SMYD5: variants seen among roughly 807,000 people sequenced by gnomAD.
SMYD5 encodes the protein SMYD family member 5.
A neutral mutation model predicts 57.4 loss-of-function variants in SMYD5; 35 were observed. The observed-to-expected ratio is 0.61, with a 90% CI of 0.47 to 0.81. The LOEUF is 0.81. SMYD5 is among the 30% of genes least tolerant of loss of function. The pLI, the probability that SMYD5 is intolerant of heterozygous loss-of-function variation, is 0.00. For synonymous variants in SMYD5, 198 were observed against 189.7 expected, an observed-to-expected ratio of 1.04 and a Z score of -0.36; for missense variants, 471 against 527.9, an observed-to-expected ratio of 0.89 and a Z score of 1.06.
In SMYD5 at chr2:73,218,964, A is replaced by G. The variant is rs1481586457; in HGVS notation, c.200A>G (p.Tyr67Cys). 1 of 1,610,790 alleles carries G rather than the reference A, an allele frequency of 6.2e-7. No individual in the cohort carries two copies. The highest frequency in any genetic ancestry group is 1.3e-5 in the African/African-American group (1 of 74,856). The change falls in exon 2 of 13, where the codon TAC becomes TGC. Residue 67 changes from tyrosine (Y) to cysteine (C), a missense_variant. Physicochemically the swap from Tyr to Cys is radical, Grantham distance 194. Coordinates refer to ENST00000389501, the MANE Select transcript of SMYD5 (RefSeq NM_006062.3). ...AQFLWNALYR[Y>C]RACDHCLRAL... ...TTTCTCTGGAATGCACTTTATCGCT[A>G]CCGAGGTGAGTACATCTCTCCTACT...
At chr2:73,220,586 T>C (rs912328477) in intron 3 of SMYD5, 75 bp from the exon 4 acceptor site, 1 of 1,557,568 alleles carries the variant, frequency 6.4e-7, no homozygotes, top group Non-Finnish European at 8.8e-7. Context: ...AGGGGCTATT[T>C]GTGGAAGGAA....
chr2:73,219,067 T>A (rs1574339993), intron 2 of SMYD5, 98 bp downstream of exon 2: 2 of 844,402 alleles, frequency 2.4e-6, no homozygotes. Flanking sequence ...GAACTCTGGG[T>A]GTTGGGAGGA....
At chr2:73,220,275 G>A (rs183648304) in intron 3 of SMYD5, 85 bp downstream of exon 3, 52 of 1,449,286 alleles carry the variant, frequency 3.6e-5, no homozygotes, top group African/African-American at 1.9e-4. Context: ...CAGGAGCAGC[G>A]ACAGACCTGG....
intron 9 of SMYD5, 44 bp downstream of exon 9, chr2:73,223,576 C>T: frequency 7.6e-7 from 1 of 1,312,200 alleles, no homozygotes; most frequent in Non-Finnish European, 1.1e-6. Context: ...ATGGCGACCC[C>T]CCCAGTCAGA....
chr2:73,220,825 C>G, intron 4 of SMYD5, 43 bp downstream of exon 4: 1 of 1,606,908 alleles, frequency 6.2e-7, no homozygotes, highest in Non-Finnish European at 8.5e-7. Context: ...CCTTTCCTCC[C>G]TGGTTGCCTG....
At position 73,225,919 on chromosome 2, in the gene SMYD5, G is replaced by A. The variant is rs1558553900; in HGVS notation, c.1230G>A (p.Glu410=). The change falls in exon 13 of 13, where the codon GAG becomes GAA. Residue 410 remains glutamate, a synonymous_variant. Transcript: ENST00000389501. ...AGGAAGGAGAGCCAGAAGATGCAGAGCTGGGGGATGAGATGACTGATGTGT... is the reference window on the plus strand; with the variant it reads ...AGGAAGGAGAGCCAGAAGATGCAGAACTGGGGGATGAGATGACTGATGTGT... ...EEEEGEPEDA[E]LGDEMTDV The A allele has an allele frequency of 6.2e-7, 1 of 1,614,086 alleles. No individual in the cohort carries two copies. The highest frequency in any genetic ancestry group is 1.1e-5 in the South Asian group (1 of 91,080).
In SMYD5 at chr2:73,220,695, C is replaced by T. The variant is rs766462014; in HGVS notation, c.380C>T (p.Ala127Val). 1 of 1,614,042 alleles carries T rather than the reference C, an allele frequency of 6.2e-7. No homozygotes were observed. Among genetic ancestry groups the T allele is most frequent in the Non-Finnish European group, 8.5e-7 (1 of 1,180,006 alleles). ...MYCSAECRLA[A>V]TEQYHQVLCP... ...TGCAGTGCAGAATGTCGGTTGGCAG[C>T]CACTGAGCAATACCACCAGGTCCTG... The change falls in exon 4 of 13, where the codon GCC (alanine) becomes GTC (valine). Residue 127 changes from alanine (A) to valine (V), a missense_variant. Transcript: ENST00000389501.
intron 2 of SMYD5, 37 bp from the exon 3 acceptor site, chr2:73,220,014 C>T (rs1238130059): frequency 1.2e-6 from 2 of 1,613,976 alleles, no homozygotes; most frequent in Non-Finnish European, 8.5e-7. Context: ...GTGGCCTCTG[C>T]TCTCAAGATA....
intron 1 of SMYD5, among the ~76,000 whole-genome samples, chr2:73,218,501 C>A (rs1285391067): frequency 1.3e-5 from 2 of 152,206 alleles, no homozygotes; most frequent in Non-Finnish European, 2.9e-5. Flanking sequence ...GAGATGAGTG[C>A]CCTGCCATTA....
chr2:73,221,240 C>T lies in SMYD5; in HGVS notation c.537+6C>T. Reference sequence around the variant, plus strand: ...TGGTGGCCACAGTGAAGCAGGTGAGCCCACCCAACCCTCTCGGGGAAGCTG... The same window carrying T: ...TGGTGGCCACAGTGAAGCAGGTGAGTCCACCCAACCCTCTCGGGGAAGCTG... On this transcript the variant is annotated splice_donor_region_variant and intron_variant, in intron 5 of 12. Coordinates refer to ENST00000389501, the MANE Select transcript of SMYD5 (RefSeq NM_006062.3). The T allele has an allele frequency of 3.1e-6, 5 of 1,612,538 alleles. No homozygotes were observed. Among genetic ancestry groups the T allele is most frequent in the Non-Finnish European group, 3.4e-6 (4 of 1,178,696 alleles).
intron 1 of SMYD5, chr2:73,214,893 C>A: frequency 8.6e-7 from 1 of 1,157,750 alleles, no homozygotes; most frequent in Middle Eastern, 2.4e-4. Context: ...TTATTGTGTT[C>A]CAAAAGTTCA....
At position 73,226,257 on chromosome 2, in the gene SMYD5, TTCTTCCCC is replaced by T. The variant is rs1195447465; in HGVS notation, c.*314_*321del. On this transcript the variant is annotated 3_prime_UTR_variant, in exon 13 of 13. Coordinates refer to ENST00000389501, the MANE Select transcript of SMYD5 (RefSeq NM_006062.3). ...AATCAGGGCCAGGGCCTAACAGTGT[TTCTTCCCC>T]TCGGCCCCACGGCCCATACTCACCC... 7 of 378,586 alleles carry T rather than the reference TTCTTCCCC, an allele frequency of 1.8e-5. No individual in the cohort carries two copies. The highest frequency in any genetic ancestry group is 8.1e-5 in the African/African-American group (4 of 49,242). 23.5% of individuals were successfully genotyped at this position (378,586 alleles called of 1,614,324 possible).
At chr2:73,223,880 A>G in intron 9 of SMYD5, 67 bp from the exon 10 acceptor site, 2 of 1,453,342 alleles carry the variant, frequency 1.4e-6, no homozygotes, top group South Asian at 2.3e-5. Flanking sequence ...CTGTCCGTGT[A>G]AGCCTCGTTT....
At chr2:73,222,996 G>A in intron 7 of SMYD5, 40 bp from the exon 8 acceptor site, 2 of 1,582,648 alleles carry the variant, frequency 1.3e-6, no homozygotes, top group Middle Eastern at 1.7e-4. Flanking sequence ...AGAAAAGTCA[G>A]TGGCTGTAAT....
At position 73,226,206 on chromosome 2, in the gene SMYD5, C is replaced by T. The variant is rs1686500589; in HGVS notation, c.*260C>T. On this transcript the variant is annotated 3_prime_UTR_variant, in exon 13 of 13. Coordinates refer to ENST00000389501, the MANE Select transcript of SMYD5 (RefSeq NM_006062.3). ...CACAACTGGCCTCCCCTTGAGGTTC[C>T]TCCACTCTAGGGTTTGAGGGGCTGG... 4 of 520,682 alleles carry T rather than the reference C, an allele frequency of 7.7e-6. No homozygotes were observed. Among genetic ancestry groups the T allele is most frequent in the Non-Finnish European group, 1.0e-5 (3 of 294,844 alleles). 32.3% of individuals were successfully genotyped at this position (520,682 alleles called of 1,614,324 possible).
chr2:73,218,749 G>T lies in SMYD5; in HGVS notation c.97-112G>T, dbSNP rs1423892725. 4 of 717,236 alleles carry T rather than the reference G, an allele frequency of 5.6e-6. No individual in the cohort carries two copies. The East Asian group carries it at 1.1e-4, about 19-fold the overall frequency. 44.4% of individuals were successfully genotyped at this position (717,236 alleles called of 1,614,324 possible). A position where few individuals can be genotyped will look rare whatever the true frequency, so the allele number is the denominator to read the frequency against. On this transcript the variant is annotated intron_variant, in intron 1 of 12. Transcript: ENST00000389501. The stretch of plus-strand genomic sequence containing the variant: ...TCTCCATGAACTCACAGAGGCAGAG[G>T]CCTCTCCTAAGAGTGAGGCATGTGG...
chr2:73,217,237 A>G (rs565625748), intron 1 of SMYD5, among the ~76,000 whole-genome samples: 1 of 152,294 alleles, frequency 6.6e-6, no homozygotes, highest in Non-Finnish European at 1.5e-5. Flanking sequence ...AGCATGAGCC[A>G]CTGCGCCCGG....
At chr2:73,217,827 A>G (rs1466977809) in intron 1 of SMYD5, among the ~76,000 whole-genome samples, 6 of 152,280 alleles carry the variant, frequency 3.9e-5, no homozygotes, top group East Asian at 3.9e-4. Context: ...TAGTGGGAGT[A>G]TGTGCCCAAT....
chr2:73,222,328 C>A (rs1324516607), intron 6 of SMYD5, among the ~76,000 whole-genome samples: 1 of 152,212 alleles, frequency 6.6e-6, no homozygotes, highest in East Asian at 1.9e-4. Flanking sequence ...TCACTGAGGA[C>A]AGCAGACTTC....
Sources: allele counts gnomAD v4.1 joint callset (sites outside exome capture counted in the v4.1 genomes callset), GRCh38; gene constraint gnomAD v4.1.1; transcripts MANE v1.5; gene names NCBI Gene and HGNC (gene_info 2026-07-23, HGNC 2026-07-21).